PSMA3: variants seen among roughly 807,000 people sequenced by gnomAD.
The protein encoded by PSMA3 is proteasome subunit alpha type-3.
PSMA3 carries 8 observed loss-of-function variants against 40.0 expected under a neutral mutation model. The observed-to-expected ratio is 0.20, with a 90% confidence interval of 0.12 to 0.36. PSMA3 has a LOEUF of 0.36. Ranked by LOEUF, PSMA3 falls within the 10% of genes least tolerant of loss-of-function variation. PSMA3 has a pLI of 1.00. For missense variants in PSMA3, 219 were observed against 310.6 expected (o/e 0.70, Z 2.22); for synonymous variants, 110 against 100.0 (o/e 1.10, Z -0.59).
intron 7 of PSMA3, chr14:58,265,510 T>C (rs2140094173): frequency 6.6e-6 from 1 of 152,288 alleles, no homozygotes; most frequent in East Asian, 1.9e-4. Flanking sequence ...CATGGCTGCT[T>C]TTAGAATACA....
At chr14:58,259,970 A>T (rs1032601908) in intron 5 of PSMA3, among the ~76,000 whole-genome samples, 12 of 152,238 alleles carry the variant, frequency 7.9e-5, no homozygotes, top group Admixed American at 1.3e-4. Context: ...AGTGACAATG[A>T]GCTATATATC....
intron 3 of PSMA3, among the ~76,000 whole-genome samples, chr14:58,254,340 A>ATATATATATGTATGTATG: frequency 2.9e-5 from 1 of 34,806 alleles, no homozygotes; most frequent in Admixed American, 3.9e-4. Context: ...ATGCATATAT[A>ATATATATATGTATGTATG]TATGTATGTA....
At chr14:58,268,122 A>G (rs1452555032) in intron 8 of PSMA3, 1 of 152,218 alleles carries the variant, frequency 6.6e-6, no homozygotes, top group East Asian at 1.9e-4. Flanking sequence ...TAAACAATAA[A>G]AAAGTCAATT....
chr14:58,271,327 CTT>C (rs60528514), intron 10 of PSMA3, among the ~76,000 whole-genome samples: 14 of 102,380 alleles, frequency 1.4e-4, no homozygotes, highest in African/African-American at 2.7e-4. Flanking sequence ...AATATTTGTT[CTT>C]TTTTTTTTTT....
At chr14:58,263,326 T>TG (rs1343514032) in intron 6 of PSMA3, among the ~76,000 whole-genome samples, 1 of 152,098 alleles carries the variant, frequency 6.6e-6, no homozygotes, top group South Asian at 2.1e-4. Flanking sequence ...ATAATAAAAT[T>TG]GGGGGTTTAG....
intron 10 of PSMA3, 101 bp downstream of exon 10, chr14:58,271,099 C>A: frequency 1.5e-6 from 1 of 662,960 alleles, no homozygotes; most frequent in South Asian, 3.8e-5. Flanking sequence ...AGACCCCCAT[C>A]CCTAATTTAA....
intron 8 of PSMA3, chr14:58,267,829 T>C (rs1890492768): frequency 5.0e-6 from 1 of 201,062 alleles, no homozygotes; most frequent in Non-Finnish European, 9.2e-6. Context: ...GTCCTAATAA[T>C]AGTAATCTTA....
chr14:58,259,779 G>A (rs1331204819), intron 5 of PSMA3, among the ~76,000 whole-genome samples: 1 of 152,178 alleles, frequency 6.6e-6, no homozygotes, highest in African/African-American at 2.4e-5. Flanking sequence ...GATGTAGGGA[G>A]ACTTGGTAGT....
intron 6 of PSMA3, among the ~76,000 whole-genome samples, chr14:58,263,169 G>A (rs1161141874): frequency 6.6e-6 from 1 of 151,850 alleles, no homozygotes; most frequent in Non-Finnish European, 1.5e-5. Context: ...ATTTTTAGTA[G>A]AGACAGGGTT....
chr14:58,252,065 A>G, intron 2 of PSMA3, 54 bp from the exon 3 acceptor site: 1 of 1,539,780 alleles, frequency 6.5e-7, no homozygotes, highest in Non-Finnish European at 8.7e-7. Flanking sequence ...ACTTAAGTTT[A>G]TGAAGTTTCT....
intron 5 of PSMA3, among the ~76,000 whole-genome samples, chr14:58,259,825 CAG>C (rs1039364993): frequency 1.8e-4 from 28 of 152,012 alleles, no homozygotes; most frequent in African/African-American, 6.5e-4. Context: ...ATACGTGCGC[CAG>C]AGAGAGTTAA....
chr14:58,264,051 C>CTAA (rs1375658038), intron 7 of PSMA3, among the ~76,000 whole-genome samples: 7 of 152,144 alleles, frequency 4.6e-5, no homozygotes, highest in Non-Finnish European at 8.8e-5. Flanking sequence ...TATGAAGCTG[C>CTAA]TAAGTCACTG....
In PSMA3 at chr14:58,261,019, A is replaced by G; in HGVS notation, c.476A>G (p.Tyr159Cys). 1 of 1,596,156 alleles carries G rather than the reference A, an allele frequency of 6.3e-7. No individual in the cohort carries two copies. Among genetic ancestry groups the G allele is most frequent in the Non-Finnish European group, 8.6e-7 (1 of 1,164,640 alleles). Residue 159 changes from tyrosine to cysteine, a missense_variant and splice_region_variant, in exon 6 of 11, where the codon TAC becomes TGC. Tyr to Cys is a radical substitution (Grantham distance 194). Transcript: ENST00000216455. ...ATGATTGACCCATCAGGTGTTTCAT[A>G]CGTGAGTAATTTTGAATCATTTGAA... The part of the protein sequence containing the change: ...LYMIDPSGVS[Y>C]GYWGCAIGKA...
chr14:58,250,504 G>A (rs1159262512), intron 2 of PSMA3, among the ~76,000 whole-genome samples: 1 of 152,170 alleles, frequency 6.6e-6, no homozygotes, highest in Non-Finnish European at 1.5e-5. Context: ...AACCAGTAGA[G>A]TACAGAATTT....
At chr14:58,248,729 C>T (rs899733020) in intron 2 of PSMA3, among the ~76,000 whole-genome samples, 2 of 151,104 alleles carry the variant, frequency 1.3e-5, no homozygotes, top group Admixed American at 6.6e-5. Flanking sequence ...CTGAGGCGGG[C>T]GGATCACCTG....
At chr14:58,261,076 C>A in intron 6 of PSMA3, 56 bp downstream of exon 6, 1 of 1,159,038 alleles carries the variant, frequency 8.6e-7, no homozygotes, top group Non-Finnish European at 1.3e-6. Context: ...ATTTCATTAG[C>A]ATTTAAGTCT....
rs1280398234 is a variant in PSMA3, at chr14:58,244,955, C to T, written c.21+14C>T. On this transcript the variant is annotated intron_variant, in intron 1 of 10. Transcript: ENST00000216455. ...ATCGGCACTGGGGTGAGTTCGCTGT[C>T]TGTCGGTGTAATAGTTTAACCTAAG... The T allele has an allele frequency of 6.2e-7, 1 of 1,614,162 alleles. No homozygotes were observed. The highest frequency in any genetic ancestry group is 1.7e-5 in the Admixed American group (1 of 60,024).
chr14:58,253,451 T>A (rs1261537188), intron 3 of PSMA3, among the ~76,000 whole-genome samples: 1 of 152,232 alleles, frequency 6.6e-6, no homozygotes, highest in Non-Finnish European at 1.5e-5. Context: ...TAAATGAGAT[T>A]TAATGTTACA....
intron 8 of PSMA3, among the ~76,000 whole-genome samples, chr14:58,269,083 C>T (rs1309310944): frequency 6.6e-6 from 1 of 151,936 alleles, no homozygotes; most frequent in East Asian, 1.9e-4. Flanking sequence ...TACAGGCGCC[C>T]ACCACCACAC....
Sources: gnomAD v4.1 joint callset for allele counts (sites outside exome capture counted in the v4.1 genomes callset) on GRCh38, gnomAD v4.1.1 for gene constraint, MANE v1.5 for transcripts, NCBI Gene and HGNC (gene_info 2026-07-23, HGNC 2026-07-21) for gene names.